FHIP1A: variants seen among roughly 807,000 people sequenced by gnomAD.
The protein encoded by FHIP1A is FHF complex subunit HOOK interacting protein 1A, also known as FHF complex subunit HOOK-interacting protein 1A.
FHIP1A carries 61 observed loss-of-function variants against 88.6 expected under a neutral mutation model. The ratio of observed to expected loss-of-function variants is 0.69; its 90% CI spans 0.56 to 0.85. The LOEUF is 0.85. Ranked by LOEUF, FHIP1A falls within the 40% of genes least tolerant of loss-of-function variation. The pLI is 0.00. For missense variants in FHIP1A, 1,154 were observed against 1,273.5 expected (o/e 0.91, Z 1.43); for synonymous variants, 478 against 496.0 (o/e 0.96, Z 0.48).
chr4:151,500,902 G>A (rs747774937), intron 3 of FHIP1A, among the ~76,000 whole-genome samples: 1 of 152,168 alleles, frequency 6.6e-6, no homozygotes, highest in Non-Finnish European at 1.5e-5. Flanking sequence ...ATACTTTTAT[G>A]TTTAAAGTAT....
At chr4:151,549,211 A>AACAG (rs1402644313) in intron 3 of FHIP1A, among the ~76,000 whole-genome samples, 1 of 152,082 alleles carries the variant, frequency 6.6e-6, no homozygotes, top group Non-Finnish European at 1.5e-5. Flanking sequence ...TAATCAGGGG[A>AACAG]ACAGACGTAA....
chr4:151,526,364 G>T (rs543869542), intron 3 of FHIP1A, among the ~76,000 whole-genome samples: 4 of 151,252 alleles, frequency 2.6e-5, no homozygotes, highest in African/African-American at 9.7e-5. Context: ...CCTCCCAGAC[G>T]AGGCGGCTGG....
At chr4:151,528,400 A>G (rs978885001) in intron 3 of FHIP1A, among the ~76,000 whole-genome samples, 1 of 152,226 alleles carries the variant, frequency 6.6e-6, no homozygotes. Flanking sequence ...GCTGAAACCC[A>G]TTGTCCGTTC....
At chr4:151,632,825 AGCAGTACT>A (rs908543482) in intron 8 of FHIP1A, among the ~76,000 whole-genome samples, 1 of 152,062 alleles carries the variant, frequency 6.6e-6, no homozygotes, top group African/African-American at 2.4e-5. Flanking sequence ...GTGCAGTGAA[AGCAGTACT>A]AAGAGGGAAT....
At chr4:151,661,408 GTT>G (rs5862966) in intron 13 of FHIP1A, among the ~76,000 whole-genome samples, 77 of 128,518 alleles carry the variant, frequency 6.0e-4, no homozygotes, top group Middle Eastern at 4.2e-3. Context: ...AGTGGAAGTT[GTT>G]TTTTTTTTTT....
chr4:151,452,454 G>C (rs1728821939), intron 1 of FHIP1A, among the ~76,000 whole-genome samples: 1 of 152,094 alleles, frequency 6.6e-6, no homozygotes, highest in African/African-American at 2.4e-5. Context: ...AGGCTGGCAT[G>C]GTGGTTCACA....
chr4:151,630,832 A>G (rs1351435364), intron 8 of FHIP1A, among the ~76,000 whole-genome samples: 1 of 152,224 alleles, frequency 6.6e-6, no homozygotes, highest in East Asian at 1.9e-4. Context: ...TGATGGATGG[A>G]AATTAAAAAA....
chr4:151,655,193 C>T (rs983603260), intron 11 of FHIP1A, among the ~76,000 whole-genome samples: 2 of 152,230 alleles, frequency 1.3e-5, no homozygotes, highest in Admixed American at 6.5e-5. Context: ...TCGTTGTAAA[C>T]ATGCCATGGT....
chr4:151,657,079 G>T (rs182059118), intron 13 of FHIP1A, among the ~76,000 whole-genome samples, 181 bp downstream of exon 13: 4 of 152,328 alleles, frequency 2.6e-5, no homozygotes, highest in East Asian at 1.9e-4. Flanking sequence ...AGAAAGGTCT[G>T]CCTTGCTCAC....
intron 3 of FHIP1A, among the ~76,000 whole-genome samples, chr4:151,530,859 T>C (rs1015141627): frequency 6.6e-6 from 1 of 152,194 alleles, no homozygotes; most frequent in East Asian, 1.9e-4. Context: ...CTTAGCATAG[T>C]GCATGGCATA....
chr4:151,410,218 G>GACCC (rs1732560832), intron 1 of FHIP1A, among the ~76,000 whole-genome samples: 2 of 152,294 alleles, frequency 1.3e-5, no homozygotes, highest in East Asian at 3.9e-4. Flanking sequence ...CAGCCTCCTG[G>GACCC]ACCCACCCAT....
chr4:151,584,696 C>T (rs1225618448), intron 5 of FHIP1A, among the ~76,000 whole-genome samples: 1 of 152,138 alleles, frequency 6.6e-6, no homozygotes, highest in Non-Finnish European at 1.5e-5. Flanking sequence ...TCCTATAAAA[C>T]CCTGCAGGAT....
chr4:151,463,136 T>C (rs1368898747), intron 2 of FHIP1A, among the ~76,000 whole-genome samples: 1 of 152,214 alleles, frequency 6.6e-6, no homozygotes, highest in South Asian at 2.1e-4. Flanking sequence ...AAATAATGAA[T>C]ACTTAACACC....
intron 7 of FHIP1A, among the ~76,000 whole-genome samples, chr4:151,625,138 C>A (rs761982929): frequency 3.9e-5 from 6 of 152,166 alleles, no homozygotes; most frequent in Admixed American, 1.3e-4. Context: ...GACCCTTTCA[C>A]TCCTGTTTCG....
chr4:151,508,154 G>A (rs1730899388), intron 3 of FHIP1A, among the ~76,000 whole-genome samples: 2 of 152,196 alleles, frequency 1.3e-5, no homozygotes, highest in South Asian at 4.1e-4. Flanking sequence ...TACAAAACAG[G>A]ATTGCAGAAT....
In FHIP1A at chr4:151,618,846, A is replaced by G. The variant is rs74738123; in HGVS notation, c.979-10856A>G. On this transcript the variant is annotated intron_variant, in intron 7 of 13. Coordinates refer to ENST00000435205, the MANE Select transcript of FHIP1A (RefSeq NM_001109977.3). ...ATTGCAGACCATTTTCTACTACTCCATGATGTTTTTCTCTTCTTTAAATTA... is the reference window on the plus strand; with the variant it reads ...ATTGCAGACCATTTTCTACTACTCCGTGATGTTTTTCTCTTCTTTAAATTA... 8.3e-3 allele frequency among the ~76,000 whole-genome samples: 1,269 copies of G among 152,302 alleles called. 20 individuals carry two copies. The highest frequency in any genetic ancestry group is 0.03 in the African/African-American group (1,230 of 41,566).
intron 6 of FHIP1A, among the ~76,000 whole-genome samples, chr4:151,587,329 A>G (rs779054779): frequency 6.6e-6 from 1 of 152,138 alleles, no homozygotes; most frequent in Non-Finnish European, 1.5e-5. Flanking sequence ...ATTCTTGTGT[A>G]TTTGGCTTCT....
intron 2 of FHIP1A, among the ~76,000 whole-genome samples, chr4:151,468,832 T>G (rs1361514509): frequency 9.2e-6 from 1 of 108,508 alleles, no homozygotes; most frequent in Non-Finnish European, 2.1e-5. Flanking sequence ...ATGGAGGGTT[T>G]CCTTAAGGGC....
chr4:151,544,300 A>C (rs1379311840), intron 3 of FHIP1A, among the ~76,000 whole-genome samples: 1 of 152,170 alleles, frequency 6.6e-6, no homozygotes, highest in Non-Finnish European at 1.5e-5. Flanking sequence ...ACTATGTCAC[A>C]TTGTTTTTCA....
Sources: allele counts gnomAD v4.1 joint callset (sites outside exome capture counted in the v4.1 genomes callset), GRCh38; gene constraint gnomAD v4.1.1; transcripts MANE v1.5; gene names NCBI Gene and HGNC (gene_info 2026-07-23, HGNC 2026-07-21).